The following AMOT variants were observed in gnomAD, a reference collection of about 807,000 sequenced individuals.
The protein encoded by AMOT is angiomotin.
In AMOT, 11 loss-of-function variants were observed where a neutral mutation model predicts 67.0. That is an observed-to-expected ratio of 0.16 (90% CI 0.10 to 0.27). AMOT has a LOEUF of 0.27. Ranked by LOEUF, AMOT falls within the 10% of genes least tolerant of loss-of-function variation. The pLI is 1.00. For synonymous variants in AMOT, 326 were observed against 321.4 expected, an observed-to-expected ratio of 1.01 and a Z score of -0.15; for missense variants, 753 against 852.0, an observed-to-expected ratio of 0.88 and a Z score of 1.45.
At chrX:112,795,483 T>C (rs900905357) in intron 8 of AMOT, among the ~76,000 whole-genome samples, 1 of 111,482 alleles carries the variant, frequency 9.0e-6, no homozygotes, top group African/African-American at 3.3e-5. Flanking sequence ...CAAACCAAAA[T>C]GGTCAGCAGC....
chrX:112,819,500 C>T (rs1292982686), intron 4 of AMOT: 5 of 545,910 alleles, frequency 9.2e-6, no homozygotes, highest in Non-Finnish European at 1.1e-5. Flanking sequence ...CAGATCTGGG[C>T]ATGATTTCAA....
intron 7 of AMOT, among the ~76,000 whole-genome samples, chrX:112,805,301 T>C (rs1335751237): frequency 9.2e-6 from 1 of 108,962 alleles, no homozygotes; most frequent in African/African-American, 3.3e-5. Context: ...AACTTAATGG[T>C]TGTTGAGCAG....
At chrX:112,836,251 A>G (rs1935127481) in intron 1 of AMOT, among the ~76,000 whole-genome samples, 1 of 111,323 alleles carries the variant, frequency 9.0e-6, no homozygotes, top group Non-Finnish European at 1.9e-5. Flanking sequence ...TAAACAGTGG[A>G]CCCTAGTTTT....
intron 4 of AMOT, among the ~76,000 whole-genome samples, chrX:112,818,932 C>T (rs769322171): frequency 1.8e-5 from 2 of 110,470 alleles, no homozygotes; most frequent in Non-Finnish European, 3.8e-5. Context: ...CTGCCACTTC[C>T]GTCCCCTCAT....
At chrX:112,807,186 G>T (rs1934217490) in intron 7 of AMOT, among the ~76,000 whole-genome samples, 1 of 110,427 alleles carries the variant, frequency 9.1e-6, no homozygotes. Context: ...CCTTTCTAGT[G>T]ATCCTGCACC....
chrX:112,796,169 G>A (rs1245211736), intron 8 of AMOT, among the ~76,000 whole-genome samples: 1 of 111,775 alleles, frequency 8.9e-6, no homozygotes, highest in Non-Finnish European at 1.9e-5. Context: ...CAGCCAAACG[G>A]GGTCCTAAGA....
At chrX:112,815,306 G>C (rs1249477104) in intron 5 of AMOT, 52 bp downstream of exon 5, 1 of 1,142,285 alleles carries the variant, frequency 8.8e-7, no homozygotes, top group Non-Finnish European at 1.2e-6. Flanking sequence ...TATTAAACAA[G>C]TCTCACAAAT....
chrX:112,818,484 G>A (rs1934627465), intron 4 of AMOT, among the ~76,000 whole-genome samples: 1 of 111,703 alleles, frequency 9.0e-6, no homozygotes, highest in Admixed American at 9.4e-5. Flanking sequence ...TCAGTGCACC[G>A]TGATGTTGGG....
At chrX:112,808,448 C>T (rs1030702114) in intron 7 of AMOT, among the ~76,000 whole-genome samples, 1 of 111,561 alleles carries the variant, frequency 9.0e-6, no homozygotes, top group African/African-American at 3.3e-5. Flanking sequence ...CTTTCTCCTG[C>T]CACAGTTCCA....
chrX:112,781,057 G>T lies in AMOT; in HGVS notation c.2302C>A (p.Arg768Ser). The change falls in exon 12 of 14, where the codon CGT becomes AGT. Residue 768 changes from arginine (R) to serine (S), a missense_variant. Physicochemically the swap from Arg to Ser is moderately radical, Grantham distance 110. Around this residue, in one of 5 missense-constraint regions of AMOT, gnomAD observed 269 missense variants for 300.9 expected, o/e 0.89. Transcript: ENST00000371959. ...KDAMIKVLQQ[R>S]SRKEPSKTEQ... is the part of the protein sequence containing the mutation. The stretch of plus-strand genomic sequence containing the variant: ...GTCTTGCTCGGCTCCTTCCGGGAAC[G>T]CTGCTGGAGTACTTTGATCATGGCA... 3 of 1,211,951 alleles carry T rather than the reference G, an allele frequency of 2.5e-6. No individual in the cohort carries two copies.
At chrX:112,817,730 G>A (rs982721616) in intron 4 of AMOT, among the ~76,000 whole-genome samples, 1 of 111,720 alleles carries the variant, frequency 9.0e-6, no homozygotes, top group African/African-American at 3.3e-5. Context: ...TATTGAAGAG[G>A]GCATGCGAAC....
At position 112,810,050 on chromosome X, in the gene AMOT, C is replaced by T. The variant is rs1390138783; in HGVS notation, c.1538-64G>A. The T allele has an allele frequency of 1.9e-5, 17 of 889,107 alleles. No individual in the cohort carries two copies. In the South Asian group the frequency reaches 3.5e-4, roughly 19 times the overall value. 73.3% of individuals were successfully genotyped at this position (889,107 alleles called of 1,213,427 possible). A position where few individuals can be genotyped will look rare whatever the true frequency, so the allele number is the denominator to read the frequency against. On this transcript the variant is annotated intron_variant, in intron 6 of 13. Coordinates refer to ENST00000371959, the MANE Select transcript of AMOT (RefSeq NM_001113490.2). Reference sequence around the variant, plus strand: ...AAACTTTCATGCACATACTATTGGCCCTCTAAATACTGACCTTTGGTAAAA... The same window carrying T: ...AAACTTTCATGCACATACTATTGGCTCTCTAAATACTGACCTTTGGTAAAA...
intron 8 of AMOT, among the ~76,000 whole-genome samples, chrX:112,793,349 A>C (rs1159678127): frequency 8.9e-6 from 1 of 111,989 alleles, no homozygotes; most frequent in Admixed American, 9.5e-5. Context: ...AGATAACTGC[A>C]ACATAAGAAG....
At chrX:112,816,756 TA>T (rs1318995614) in intron 4 of AMOT, among the ~76,000 whole-genome samples, 1 of 111,889 alleles carries the variant, frequency 8.9e-6, no homozygotes, top group Non-Finnish European at 1.9e-5. Context: ...TCTACTGCCA[TA>T]ATGCATTGAT....
intron 4 of AMOT, among the ~76,000 whole-genome samples, chrX:112,818,003 C>A (rs1315978183): frequency 9.0e-6 from 1 of 111,278 alleles, no homozygotes; most frequent in Non-Finnish European, 1.9e-5. Flanking sequence ...AATATAATGT[C>A]CTGAGATTTG....
chrX:112,810,713 G>GA (rs5903400), intron 6 of AMOT, among the ~76,000 whole-genome samples: 352 of 79,723 alleles, frequency 4.4e-3, no homozygotes, highest in African/African-American at 7.4e-3. Context: ...CCAACTCAAA[G>GA]AAAAAAAAAA....
chrX:112,807,648 C>T (rs1045213800), intron 7 of AMOT, among the ~76,000 whole-genome samples: 1 of 111,409 alleles, frequency 9.0e-6, no homozygotes, highest in Non-Finnish European at 1.9e-5. Flanking sequence ...ACAGAGGTAA[C>T]AATACCATCT....
In AMOT at chrX:112,781,078, T is replaced by C. The variant is rs1362421988; in HGVS notation, c.2281A>G (p.Met761Val). Residue 761 changes from methionine (M) to valine (V), a missense_variant, in exon 12 of 14, where the codon ATG (methionine) becomes GTG (valine). Coordinates refer to ENST00000371959, the MANE Select transcript of AMOT (RefSeq NM_001113490.2). ...LHAQIIEKDA[M>V]IKVLQQRSRK... Reference sequence around the variant, plus strand: ...GAACGCTGCTGGAGTACTTTGATCATGGCATCCTTCTCAATAATCTGGGCA... The same window carrying C: ...GAACGCTGCTGGAGTACTTTGATCACGGCATCCTTCTCAATAATCTGGGCA... The C allele has an allele frequency of 1.7e-6, 2 of 1,212,086 alleles. No individual in the cohort carries two copies. The highest frequency in any genetic ancestry group is 2.2e-5 in the Admixed American group (1 of 46,066).
chrX:112,811,147 T>A (rs1037078138), intron 6 of AMOT, 102 bp downstream of exon 6: 2 of 1,094,918 alleles, frequency 1.8e-6, no homozygotes, highest in African/African-American at 3.7e-5. Context: ...TACCGGTGGG[T>A]TGGACAACCC....
Sources: allele counts gnomAD v4.1 joint callset (sites outside exome capture counted in the v4.1 genomes callset), GRCh38; gene constraint gnomAD v4.1.1; regional missense constraint gnomAD v4.1.1; transcripts MANE v1.5; gene names NCBI Gene and HGNC (gene_info 2026-07-23, HGNC 2026-07-21).